Variants in PLCH1 observed in about 807,000 individuals in gnomAD.
The protein encoded by PLCH1 is phospholipase C eta 1.
A neutral mutation model predicts 126.7 loss-of-function variants in PLCH1; 60 were observed. That is an observed-to-expected ratio of 0.47 (90% CI 0.38 to 0.59). PLCH1 has a LOEUF of 0.59. PLCH1 is among the 20% of genes least tolerant of loss of function. The pLI is 0.00. For missense variants in PLCH1, 1,723 were observed against 2,040.0 expected, an observed-to-expected ratio of 0.84 and a Z score of 2.99; for synonymous variants, 719 against 734.9, an observed-to-expected ratio of 0.98 and a Z score of 0.35.
intron 2 of PLCH1, among the ~76,000 whole-genome samples, chr3:155,643,242 C>G (rs578059801): frequency 6.6e-6 from 1 of 152,158 alleles, no homozygotes; most frequent in Non-Finnish European, 1.5e-5. Context: ...AGCCACCAAA[C>G]CTGGCCCCAA....
chr3:155,664,645 C>T (rs915052480), intron 2 of PLCH1, among the ~76,000 whole-genome samples: 1 of 152,198 alleles, frequency 6.6e-6, no homozygotes, highest in Non-Finnish European at 1.5e-5. Context: ...AGTTTGCCAA[C>T]TCTTGGTATT....
chr3:155,513,816 T>A lies in PLCH1; in HGVS notation c.1632+907A>T, dbSNP rs530639837. ...GTTCTCACTGGCATTAGCAAGCCAA[T>A]ATTATCCTATACTCTGGCCAAGTAC... On this transcript the variant is annotated intron_variant, in intron 12 of 22. Transcript: ENST00000460012. Among the ~76,000 whole-genome samples the A allele has an allele frequency of 2.4e-3, 366 of 152,258 alleles. 1 individual carries two copies. The highest frequency in any genetic ancestry group is 4.4e-3 in the Non-Finnish European group (296 of 68,008).
chr3:155,577,219 C>G (rs969101412), intron 6 of PLCH1, among the ~76,000 whole-genome samples: 1 of 152,128 alleles, frequency 6.6e-6, no homozygotes, highest in Non-Finnish European at 1.5e-5. Flanking sequence ...TGATCGCACC[C>G]ACTGCACTCC....
intron 1 of PLCH1, among the ~76,000 whole-genome samples, chr3:155,706,846 A>G (rs1746713637): frequency 1.3e-5 from 2 of 152,100 alleles, no homozygotes; most frequent in Admixed American, 6.5e-5. Flanking sequence ...ACCACACTGT[A>G]AGGAAGCCCA....
chr3:155,473,780 C>A (rs1303792962), intron 21 of PLCH1, among the ~76,000 whole-genome samples: 6 of 151,150 alleles, frequency 4.0e-5, no homozygotes, highest in Non-Finnish European at 8.9e-5. Context: ...CACATATCTA[C>A]AACTATCTGA....
chr3:155,585,968 T>C (rs1205947694), intron 5 of PLCH1, 97 bp downstream of exon 5: 4 of 999,098 alleles, frequency 4.0e-6, no homozygotes, highest in Non-Finnish European at 6.2e-6. Context: ...GCACATATAT[T>C]AGCTTCCAAC....
chr3:155,481,354 C>A lies in PLCH1; in HGVS notation c.4672G>T (p.Asp1558Tyr). 1 of 1,614,226 alleles carries A rather than the reference C, an allele frequency of 6.2e-7. No homozygotes were observed. Residue 1558 changes from aspartate to tyrosine, a missense_variant, in exon 23 of 23, where the codon GAT (aspartate) becomes TAT (tyrosine). By Grantham distance (160) the Asp-to-Tyr change is radical (BLOSUM62 -3). Around this residue, in one of 2 missense-constraint regions of PLCH1, gnomAD observed 947 missense variants for 977.1 expected, o/e 0.97. Transcript: ENST00000460012. The surrounding 1 kb of genome is among the most constrained non-coding windows in gnomAD (Gnocchi z 4.2). ...AGTGCCCGGGGGAGCTGATTGGCATCCTGCTTTGAATATAGCACTTGGCAG... is the reference window on the plus strand; with the variant it reads ...AGTGCCCGGGGGAGCTGATTGGCATACTGCTTTGAATATAGCACTTGGCAG... ...DNCQVLYSKQ[D>Y]ANQLPRALVR...
chr3:155,744,178 G>A (rs1015209091), intron 1 of PLCH1, among the ~76,000 whole-genome samples: 34 of 152,178 alleles, frequency 2.2e-4, no homozygotes, highest in Non-Finnish European at 4.0e-4. Flanking sequence ...GCGGGGTGGC[G>A]TCTCGGACCC....
chr3:155,656,175 C>A (rs76475265), intron 2 of PLCH1, among the ~76,000 whole-genome samples: 5 of 151,096 alleles, frequency 3.3e-5, no homozygotes, highest in Non-Finnish European at 7.4e-5. Flanking sequence ...TACCCCCCCC[C>A]AAATAAAAAC....
intron 21 of PLCH1, among the ~76,000 whole-genome samples, chr3:155,467,719 G>C (rs1387523306): frequency 1.3e-5 from 2 of 152,106 alleles, no homozygotes; most frequent in Non-Finnish European, 2.9e-5. Flanking sequence ...AAAGGAAAAA[G>C]AAACTCTTAC....
chr3:155,483,543 T>C (rs1460196197), intron 22 of PLCH1, among the ~76,000 whole-genome samples: 1 of 152,114 alleles, frequency 6.6e-6, no homozygotes, highest in African/African-American at 2.4e-5. Context: ...TCAAAACATT[T>C]TGGGAGCATA....
chr3:155,500,207 A>T (rs1448754780), intron 14 of PLCH1, among the ~76,000 whole-genome samples: 1 of 152,228 alleles, frequency 6.6e-6, no homozygotes, highest in Admixed American at 6.5e-5. Flanking sequence ...CTTTTTTTGA[A>T]TACTTATTTA....
chr3:155,705,930 C>T (rs1433421811), intron 1 of PLCH1, among the ~76,000 whole-genome samples: 5 of 152,186 alleles, frequency 3.3e-5, no homozygotes, highest in African/African-American at 4.8e-5. Context: ...AATCCCAGCA[C>T]TTTGGGAGGC....
At position 155,744,981 on chromosome 3, in the gene PLCH1, C is replaced by T. The variant is rs975263162; in HGVS notation, c.-182G>A. On this transcript the variant is annotated 5_prime_UTR_variant, in exon 1 of 23. Coordinates refer to ENST00000460012, the MANE Select transcript of PLCH1 (RefSeq NM_014996.4). ...CCCTGCCAAGGGCCAGAAAAGCCCCCCTAGAAGAGCACTTCTCCCCACTAG... is the reference window on the plus strand; with the variant it reads ...CCCTGCCAAGGGCCAGAAAAGCCCCTCTAGAAGAGCACTTCTCCCCACTAG... The T allele has an allele frequency of 6.6e-6, 1 of 152,586 alleles. No homozygotes were observed. Among genetic ancestry groups the T allele is most frequent in the Non-Finnish European group, 1.5e-5 (1 of 68,424 alleles). 9.5% of individuals were successfully genotyped at this position (152,586 alleles called of 1,614,324 possible).
chr3:155,536,586 G>A (rs1232655624), intron 10 of PLCH1, among the ~76,000 whole-genome samples: 3 of 152,098 alleles, frequency 2.0e-5, no homozygotes, highest in Non-Finnish European at 2.9e-5. Flanking sequence ...TTCAGAGCTT[G>A]AAGACAAGGC....
chr3:155,463,025 G>A (rs959123404), intron 21 of PLCH1, among the ~76,000 whole-genome samples: 11 of 152,284 alleles, frequency 7.2e-5, no homozygotes, highest in Non-Finnish European at 1.0e-4. Flanking sequence ...CAGTCTTTTC[G>A]TATGGCTACT....
At chr3:155,475,005 C>T (rs951302486), downstream of PLCH1, among the ~76,000 whole-genome samples, 5 of 142,160 alleles carry the variant, frequency 3.5e-5, no homozygotes, top group Admixed American at 2.1e-4. Context: ...TGCAGTGCAC[C>T]AGCATGGCAC....
chr3:155,600,819 A>G (rs1387155001), intron 2 of PLCH1, among the ~76,000 whole-genome samples: 2 of 152,186 alleles, frequency 1.3e-5, no homozygotes, highest in African/African-American at 4.8e-5. Context: ...GAGTCTTAAT[A>G]ATTATCATTT....
At chr3:155,648,826 G>A (rs986424089) in intron 2 of PLCH1, among the ~76,000 whole-genome samples, 1 of 152,248 alleles carries the variant, frequency 6.6e-6, no homozygotes, top group African/African-American at 2.4e-5. Context: ...GGAGGTGGCT[G>A]ATAATCTGAG....
Sources: allele counts gnomAD v4.1 joint callset (sites outside exome capture counted in the v4.1 genomes callset), GRCh38; gene constraint gnomAD v4.1.1; regional missense constraint gnomAD v4.1.1; non-coding constraint Gnocchi (gnomAD v3.1); transcripts MANE v1.5; gene names NCBI Gene and HGNC (gene_info 2026-07-23, HGNC 2026-07-21).